Variants in FAM193A observed in about 807,000 individuals in gnomAD.
FAM193A encodes the protein family with sequence similarity 193 member A.
A neutral mutation model predicts 126.5 loss-of-function variants in FAM193A; 22 were observed. The ratio of observed to expected loss-of-function variants is 0.17; its 90% CI spans 0.12 to 0.25. FAM193A has a LOEUF of 0.25. FAM193A is among the 10% of genes least tolerant of loss of function. FAM193A has a pLI of 1.00. For missense variants in FAM193A, 1,675 were observed against 1,672.8 expected (o/e 1.00, Z -0.02); for synonymous variants, 761 against 646.8 (o/e 1.18, Z -2.68).
At chr4:2,549,832 A>T (rs529750061) in intron 1 of FAM193A, among the ~76,000 whole-genome samples, 1 of 151,270 alleles carries the variant, frequency 6.6e-6, no homozygotes, top group South Asian at 2.1e-4. Context: ...AGTTCAAGTG[A>T]TTTTTCTGCC....
chr4:2,597,877 C>T (rs1053674234), intron 2 of FAM193A, among the ~76,000 whole-genome samples: 4 of 152,116 alleles, frequency 2.6e-5, no homozygotes, highest in Non-Finnish European at 4.4e-5. Context: ...CACTTCCCTT[C>T]CCCCGTCCTA....
chr4:2,693,932 CACTA>C (rs1171576496), intron 16 of FAM193A, 58 bp downstream of exon 16: 35 of 1,523,686 alleles, frequency 2.3e-5, no homozygotes, highest in African/African-American at 1.9e-4. Context: ...TGTTATGCCT[CACTA>C]ACACAGCTAC....
chr4:2,659,719 T>G (rs1485450944), intron 9 of FAM193A, 49 bp downstream of exon 9: 1 of 1,612,210 alleles, frequency 6.2e-7, no homozygotes. Flanking sequence ...GGACCTTCAC[T>G]GGGCTGAGTG....
At chr4:2,584,234 T>C (rs1740106357) in intron 1 of FAM193A, among the ~76,000 whole-genome samples, 1 of 152,096 alleles carries the variant, frequency 6.6e-6, no homozygotes, top group South Asian at 2.1e-4. Flanking sequence ...ACCTTGTTCA[T>C]TTGTCCTTTA....
chr4:2,614,466 G>A (rs1237964450), intron 2 of FAM193A, among the ~76,000 whole-genome samples: 2 of 152,098 alleles, frequency 1.3e-5, no homozygotes, highest in Non-Finnish European at 2.9e-5. Flanking sequence ...ACTCACATTT[G>A]GTTGTGATGT....
chr4:2,563,709 C>T (rs80099816), intron 1 of FAM193A, among the ~76,000 whole-genome samples: 4,326 of 152,232 alleles, frequency 0.028, 224 homozygotes, highest in African/African-American at 0.098. Context: ...ATGATCTCAG[C>T]AGAACTGGGA....
intron 6 of FAM193A, among the ~76,000 whole-genome samples, chr4:2,641,751 A>G (rs1188156353): frequency 6.6e-6 from 1 of 152,202 alleles, no homozygotes; most frequent in Non-Finnish European, 1.5e-5. Flanking sequence ...GGTCCTGACC[A>G]TCTCCACTTC....
chr4:2,620,308 C>A (rs1336240552), intron 2 of FAM193A, among the ~76,000 whole-genome samples: 1 of 152,050 alleles, frequency 6.6e-6, no homozygotes, highest in African/African-American at 2.4e-5. Flanking sequence ...GAGTGTACTG[C>A]GTTCCAGCCA....
chr4:2,538,870 G>A (rs1019004808), intron 1 of FAM193A, among the ~76,000 whole-genome samples: 1 of 151,948 alleles, frequency 6.6e-6, no homozygotes, highest in South Asian at 2.1e-4. Context: ...GCAATACTTA[G>A]GTAAAATATA....
At chr4:2,615,106 T>C (rs1044864303) in intron 2 of FAM193A, 10 of 152,238 alleles carry the variant, frequency 6.6e-5, no homozygotes, top group Admixed American at 5.9e-4. Context: ...CTACTTATTT[T>C]GTATTTATTT....
chr4:2,585,935 TA>T, intron 1 of FAM193A, among the ~76,000 whole-genome samples: 1 of 151,854 alleles, frequency 6.6e-6, no homozygotes, highest in African/African-American at 2.4e-5. Context: ...TCTCAAAAAA[TA>T]AATAATTTTT....
chr4:2,605,450 T>C (rs1741479902), intron 2 of FAM193A, among the ~76,000 whole-genome samples: 1 of 152,232 alleles, frequency 6.6e-6, no homozygotes, highest in Non-Finnish European at 1.5e-5. Flanking sequence ...TGTTTGAGAG[T>C]CATAAATCTT....
chr4:2,669,306 T>G (rs1713518146), intron 12 of FAM193A, among the ~76,000 whole-genome samples: 1 of 152,170 alleles, frequency 6.6e-6, no homozygotes, highest in Non-Finnish European at 1.5e-5. Flanking sequence ...GTAAATGTCT[T>G]TATTTTGCCT....
intron 1 of FAM193A, among the ~76,000 whole-genome samples, chr4:2,540,153 G>A (rs1219419288): frequency 6.6e-6 from 1 of 150,494 alleles, no homozygotes; most frequent in Non-Finnish European, 1.5e-5. Flanking sequence ...TTGTTGACAC[G>A]GTGAGACCTC....
chr4:2,668,006 C>T (rs1318392363), intron 12 of FAM193A, among the ~76,000 whole-genome samples: 2 of 152,056 alleles, frequency 1.3e-5, no homozygotes, highest in African/African-American at 4.8e-5. Flanking sequence ...TGGGCTCAAG[C>T]AGTCTTCCTG....
intron 6 of FAM193A, among the ~76,000 whole-genome samples, chr4:2,641,536 T>C (rs1307081828): frequency 6.6e-6 from 1 of 152,040 alleles, no homozygotes. Context: ...ATGCCTGTAG[T>C]CCCAGCTACT....
chr4:2,681,980 T>TTGTTTG (rs1167623638), intron 13 of FAM193A, among the ~76,000 whole-genome samples: 1 of 148,930 alleles, frequency 6.7e-6, no homozygotes, highest in Non-Finnish European at 1.5e-5. Flanking sequence ...GGGTTTTTTT[T>TTGTTTG]TTTTTGGTTT....
At chr4:2,546,819 T>G (rs868436395) in intron 1 of FAM193A, among the ~76,000 whole-genome samples, 2 of 152,204 alleles carry the variant, frequency 1.3e-5, no homozygotes, top group South Asian at 4.1e-4. Context: ...TAACATTATG[T>G]GAAACCGCTG....
chr4:2,689,809 G>T, intron 14 of FAM193A, 105 bp downstream of exon 14: 1 of 748,876 alleles, frequency 1.3e-6, no homozygotes, highest in Non-Finnish European at 2.1e-6. Flanking sequence ...GTAGCCAGCT[G>T]CTGCTCCACC....
Sources: gnomAD v4.1 joint callset for allele counts (sites outside exome capture counted in the v4.1 genomes callset) on GRCh38, gnomAD v4.1.1 for gene constraint, MANE v1.5 for transcripts, NCBI Gene and HGNC (gene_info 2026-07-23, HGNC 2026-07-21) for gene names.